The following WDR37 variants were observed in gnomAD, a reference collection of about 807,000 sequenced individuals.
WDR37 encodes the protein WD repeat-containing protein 37.
In WDR37, 19 loss-of-function variants were observed where a neutral mutation model predicts 62.9. That is an observed-to-expected ratio of 0.30 (90% CI 0.21 to 0.44). The LOEUF (loss-of-function observed/expected upper bound fraction) is 0.44, where lower values mean the gene tolerates loss of function less well. Among genes scored for constraint, WDR37 ranks in the 20% least tolerant of loss-of-function variants. The pLI, the probability that WDR37 is intolerant of heterozygous loss-of-function variation, is 1.00. For missense variants in WDR37, 474 were observed against 657.6 expected, an observed-to-expected ratio of 0.72 and a Z score of 3.05; for synonymous variants, 250 against 260.9, an observed-to-expected ratio of 0.96 and a Z score of 0.40.
chr10:1,074,604 G>GA, intron 2 of WDR37: 1 of 1,092,222 alleles, frequency 9.2e-7, no homozygotes, highest in Non-Finnish European at 1.2e-6. Context: ...CCTGCCGTGG[G>GA]CGGGAGAGAG....
At chr10:1,069,745 A>G (rs925681167) in intron 1 of WDR37, among the ~76,000 whole-genome samples, 8 of 152,086 alleles carry the variant, frequency 5.3e-5, no homozygotes, top group African/African-American at 1.7e-4. Flanking sequence ...AGGAATTTAT[A>G]TATGTAACAG....
chr10:1,096,411 A>G (rs1463894010), intron 9 of WDR37, 165 bp downstream of exon 9: 1 of 710,430 alleles, frequency 1.4e-6, no homozygotes, highest in African/African-American at 1.8e-5. Context: ...CCTCTAAGGT[A>G]GTAGTTAAGG....
intron 11 of WDR37, among the ~76,000 whole-genome samples, chr10:1,111,553 C>T (rs1201004496): frequency 6.6e-6 from 1 of 152,222 alleles, no homozygotes; most frequent in Non-Finnish European, 1.5e-5. Flanking sequence ...GGGGATGGAG[C>T]TCCGTGCTGT....
At chr10:1,085,201 T>C (rs1267840710) in intron 6 of WDR37, among the ~76,000 whole-genome samples, 1 of 152,124 alleles carries the variant, frequency 6.6e-6, no homozygotes, top group Non-Finnish European at 1.5e-5. Context: ...CTTGATCTCC[T>C]GACCTTGTGA....
chr10:1,062,824 A>G (rs947310691), intron 1 of WDR37, among the ~76,000 whole-genome samples: 5 of 152,186 alleles, frequency 3.3e-5, no homozygotes, highest in Non-Finnish European at 7.3e-5. Flanking sequence ...GCAGTGGCTC[A>G]CGCCTGTAAT....
intron 1 of WDR37, among the ~76,000 whole-genome samples, chr10:1,067,153 T>G (rs1329217471): frequency 6.6e-6 from 1 of 152,164 alleles, no homozygotes; most frequent in African/African-American, 2.4e-5. Flanking sequence ...GTACAGTGAG[T>G]TGATTTTTTG....
chr10:1,073,995 G>T (rs1280944051), intron 2 of WDR37, among the ~76,000 whole-genome samples: 1 of 152,214 alleles, frequency 6.6e-6, no homozygotes, highest in East Asian at 1.9e-4. Flanking sequence ...TGTGGTGGGG[G>T]CAGTGTCTGT....
At chr10:1,125,531 C>G (rs534228119) in intron 13 of WDR37, among the ~76,000 whole-genome samples, 6 of 152,284 alleles carry the variant, frequency 3.9e-5, no homozygotes, top group Admixed American at 3.3e-4. Flanking sequence ...ATACCATGAT[C>G]GGCTTTTCAG....
At position 1,080,006 on chromosome 10, in the gene WDR37, C is replaced by T; in HGVS notation, c.236-5C>T. On this transcript the variant is annotated splice_polypyrimidine_tract_variant and splice_region_variant and intron_variant, in intron 3 of 13. Coordinates refer to ENST00000263150, the MANE Select transcript of WDR37 (RefSeq NM_014023.4). ...TTAGATTTTTGAAAACTTTTTTCTT[C>T]CCAGTACGTAGAGAAATCGACACTC... is the stretch of plus-strand genomic sequence containing the variant. 2 of 1,613,452 alleles carry T rather than the reference C, an allele frequency of 1.2e-6. No homozygotes were observed. Among genetic ancestry groups the T allele is most frequent in the Non-Finnish European group, 1.7e-6 (2 of 1,179,704 alleles).
intron 9 of WDR37, among the ~76,000 whole-genome samples, chr10:1,102,891 G>T (rs1236424088): frequency 3.3e-5 from 5 of 152,086 alleles, no homozygotes; most frequent in Non-Finnish European, 7.3e-5. Flanking sequence ...CTTTACCAGG[G>T]GTCCTCACTC....
intron 11 of WDR37, among the ~76,000 whole-genome samples, chr10:1,117,979 C>T (rs1835459679): frequency 6.9e-6 from 1 of 145,666 alleles, no homozygotes; most frequent in Non-Finnish European, 1.5e-5. Context: ...GCCGCGTGCA[C>T]TCAGCCACCC....
intron 9 of WDR37, among the ~76,000 whole-genome samples, chr10:1,096,851 C>T (rs1312445878): frequency 2.0e-5 from 3 of 152,038 alleles, no homozygotes; most frequent in Admixed American, 6.5e-5. Context: ...AATGGGGACT[C>T]GGGTGAAGGC....
intron 11 of WDR37, among the ~76,000 whole-genome samples, chr10:1,122,922 G>A (rs1390310931): frequency 6.6e-6 from 1 of 152,138 alleles, no homozygotes; most frequent in East Asian, 1.9e-4. Context: ...TTTTACCACG[G>A]GTAAGACTAT....
rs959704040 is a variant in WDR37, at chr10:1,124,253, A to G, written c.1139A>G (p.Asn380Ser). The change falls in exon 12 of 14, where the codon AAC (asparagine) becomes AGC (serine). Residue 380 changes from asparagine (N) to serine (S), a missense_variant. Transcript: ENST00000263150. ...VTSAVFTVGD[N>S]VVSGSDDRTV... ...TCTGCCGTGTTCACCGTGGGAGACAACGTGGTTTCAGGCAGCGATGACCGC... is the reference window on the plus strand; with the variant it reads ...TCTGCCGTGTTCACCGTGGGAGACAGCGTGGTTTCAGGCAGCGATGACCGC... 2 of 1,614,100 alleles carry G rather than the reference A, an allele frequency of 1.2e-6. No individual in the cohort carries two copies. The highest frequency in any genetic ancestry group is 1.7e-5 in the Admixed American group (1 of 60,010).
rs200292290 is a variant in WDR37 at position 1,093,432 on chromosome 10, A to G, written c.605-20A>G. Reference sequence around the variant, plus strand: ...TTTTTGTCACTTTAAACCTGTTTTTATCATATTTTTATTTTGCAGTAAATT... The same window carrying G: ...TTTTTGTCACTTTAAACCTGTTTTTGTCATATTTTTATTTTGCAGTAAATT... On this transcript the variant is annotated intron_variant, in intron 7 of 13. Transcript: ENST00000263150. 517 of 1,598,600 alleles carry G rather than the reference A, an allele frequency of 3.2e-4. No individual in the cohort carries two copies. The highest frequency in any genetic ancestry group is 3.9e-4 in the Non-Finnish European group (460 of 1,170,442).
At position 1,069,399 on chromosome 10, in the gene WDR37, T is replaced by A. The variant is rs1373217270; in HGVS notation, c.-40-2717T>A. On this transcript the variant is annotated intron_variant, in intron 1 of 13. Transcript: ENST00000263150. ...TATATATATATATATATTTTTTTTT[T>A]TTTTTTTTGCAGCAGGTGAATGGTT... is the stretch of plus-strand genomic sequence containing the variant. Among the ~76,000 whole-genome samples, 24 of 92,974 alleles carry A rather than the reference T, an allele frequency of 2.6e-4. No individual in the cohort carries two copies. In the East Asian group the frequency reaches 4.1e-3, roughly 16 times the overall value. 61.0% of individuals were successfully genotyped at this position (92,974 alleles called of 152,430 possible). A position where few individuals can be genotyped will look rare whatever the true frequency, so the allele number is the denominator to read the frequency against.
intron 7 of WDR37, among the ~76,000 whole-genome samples, chr10:1,089,703 G>A (rs1442747295): frequency 8.6e-6 from 1 of 115,752 alleles, no homozygotes; most frequent in African/African-American, 2.7e-5. Context: ...CGGCCTTCCC[G>A]TGCTCACCCG....
At chr10:1,067,315 T>C (rs1234361220) in intron 1 of WDR37, among the ~76,000 whole-genome samples, 2 of 152,188 alleles carry the variant, frequency 1.3e-5, no homozygotes, top group Non-Finnish European at 2.9e-5. Context: ...GTAATAAATT[T>C]AGATGTGAAA....
intron 5 of WDR37, among the ~76,000 whole-genome samples, chr10:1,081,365 A>G (rs1181330144): frequency 1.3e-5 from 2 of 152,252 alleles, no homozygotes; most frequent in Admixed American, 1.3e-4. Context: ...CAAGGATACA[A>G]AGATAAATTG....
Sources: allele counts gnomAD v4.1 joint callset (sites outside exome capture counted in the v4.1 genomes callset), GRCh38; gene constraint gnomAD v4.1.1; transcripts MANE v1.5; gene names NCBI Gene and HGNC (gene_info 2026-07-23, HGNC 2026-07-21).